Variants in JAM3 observed in about 807,000 individuals in gnomAD.
The protein encoded by JAM3 is junctional adhesion molecule C.
JAM3 carries 31 observed loss-of-function variants against 39.4 expected under a neutral mutation model. The observed-to-expected ratio is 0.79, with a 90% CI of 0.59 to 1.06. JAM3 has a LOEUF of 1.06. Ranked by LOEUF, JAM3 falls within the 50% of genes least tolerant of loss-of-function variation. JAM3 has a pLI of 0.00. For synonymous variants in JAM3, 182 were observed against 148.7 expected, an observed-to-expected ratio of 1.22 and a Z score of -1.63; for missense variants, 455 against 391.4, an observed-to-expected ratio of 1.16 and a Z score of -1.37.
At chr11:134,123,893 G>C (rs879058701) in intron 1 of JAM3, 1 of 972,056 alleles carries the variant, frequency 1.0e-6, no homozygotes, top group African/African-American at 1.6e-5. Context: ...ATTTCTCCAA[G>C]TAAAGCAGCT....
intron 1 of JAM3, among the ~76,000 whole-genome samples, chr11:134,132,299 T>C (rs540991140): frequency 2.7e-4 from 41 of 152,276 alleles, no homozygotes; most frequent in African/African-American, 9.9e-4. Context: ...AAGAAAACAA[T>C]TGTAAAACAC....
chr11:134,080,310 C>G lies in JAM3; in HGVS notation c.76+11151C>G, dbSNP rs531000387. 7.2e-5 allele frequency among the ~76,000 whole-genome samples: 11 copies of G among 152,288 alleles called. No homozygotes were observed. The South Asian group carries it at 2.3e-3, about 32-fold the overall frequency. ...CCTTGGGGTAACGTCAGTGAAATAG[C>G]TTAGGTTTTGACTACTTCATAGGAA... On this transcript the variant is annotated intron_variant, in intron 1 of 8. Coordinates refer to ENST00000299106, the MANE Select transcript of JAM3 (RefSeq NM_032801.5).
intron 1 of JAM3, among the ~76,000 whole-genome samples, chr11:134,092,191 C>A (rs74541025): frequency 0.047 from 7,178 of 152,180 alleles, 635 homozygotes; most frequent in African/African-American, 0.16. Context: ...GGCTCACTTT[C>A]ATTTTCCCAC....
chr11:134,078,828 CG>C (rs1941616790), intron 1 of JAM3, among the ~76,000 whole-genome samples: 1 of 152,076 alleles, frequency 6.6e-6, no homozygotes, highest in Admixed American at 6.5e-5. Context: ...CACCTGAGGT[CG>C]GGAGTTCGAG....
At chr11:134,122,513 G>C (rs114229417) in intron 1 of JAM3, among the ~76,000 whole-genome samples, 1 of 152,144 alleles carries the variant, frequency 6.6e-6, no homozygotes, top group Non-Finnish European at 1.5e-5. Context: ...CTGCTACACC[G>C]CTTCACCAGC....
chr11:134,149,276 G>C lies in JAM3; in HGVS notation c.*95G>C. The C allele has an allele frequency of 1.4e-6, 2 of 1,442,724 alleles. No homozygotes were observed. The highest frequency in any genetic ancestry group is 1.9e-6 in the Non-Finnish European group (2 of 1,032,032). 89.4% of individuals were successfully genotyped at this position (1,442,724 alleles called of 1,614,324 possible). ...CAGCGAGAGCTGATGCACTCGGACA[G>C]AGCTAGACACTCATTCAGAAGCTTT... On this transcript the variant is annotated 3_prime_UTR_variant, in exon 9 of 9. Transcript: ENST00000299106.
intron 8 of JAM3, 116 bp downstream of exon 8, chr11:134,148,934 G>C (rs901956164): frequency 3.9e-5 from 41 of 1,059,646 alleles, no homozygotes; most frequent in Non-Finnish European, 5.4e-5. Flanking sequence ...CAGCTCCTGA[G>C]CTCCTCAGCC....
chr11:134,100,635 G>A (rs1039671810), intron 1 of JAM3, among the ~76,000 whole-genome samples: 4 of 152,160 alleles, frequency 2.6e-5, no homozygotes, highest in African/African-American at 9.7e-5. Context: ...TTCTCTAATA[G>A]TGGCTGATAC....
chr11:134,132,156 G>C (rs557208450), intron 1 of JAM3, among the ~76,000 whole-genome samples: 3 of 152,274 alleles, frequency 2.0e-5, no homozygotes, highest in East Asian at 1.9e-4. Context: ...ACTTGACAAA[G>C]AGAAATTCTT....
At chr11:134,111,308 ATTTT>A (rs896685812) in intron 1 of JAM3, among the ~76,000 whole-genome samples, 2 of 151,040 alleles carry the variant, frequency 1.3e-5, no homozygotes, top group African/African-American at 2.4e-5. Flanking sequence ...CGCCCTGCTA[ATTTT>A]TTTTGTTTTT....
At chr11:134,101,979 A>G (rs1046316097) in intron 1 of JAM3, among the ~76,000 whole-genome samples, 1 of 152,274 alleles carries the variant, frequency 6.6e-6, no homozygotes, top group Non-Finnish European at 1.5e-5. Flanking sequence ...GCTTGAGCAC[A>G]GGAGTTTGAG....
Position 134,117,407 on chromosome 11 carries a change from G to A in JAM3, c.77-22444G>A, listed in dbSNP as rs117605476. On this transcript the variant is annotated intron_variant, in intron 1 of 8. Transcript: ENST00000299106. ...AAAAAGAAAAACAATCCAAATTGGCGGGGAAGAAGTAAAGCTGTCTTGATG... is the reference window on the plus strand; with the variant it reads ...AAAAAGAAAAACAATCCAAATTGGCAGGGAAGAAGTAAAGCTGTCTTGATG... Among the ~76,000 whole-genome samples, 1,474 of 152,082 alleles carry A rather than the reference G, an allele frequency of 9.7e-3. 17 individuals are homozygous for A. The highest frequency in any genetic ancestry group is 0.016 in the Non-Finnish European group (1,120 of 67,972).
intron 1 of JAM3, among the ~76,000 whole-genome samples, chr11:134,106,924 C>T (rs1181824458): frequency 6.6e-6 from 1 of 152,138 alleles, no homozygotes; most frequent in South Asian, 2.1e-4. Flanking sequence ...GACAGTGTGG[C>T]GATTCCTCAG....
chr11:134,116,198 A>T (rs927434231), intron 1 of JAM3, among the ~76,000 whole-genome samples: 1 of 152,190 alleles, frequency 6.6e-6, no homozygotes, highest in East Asian at 1.9e-4. Flanking sequence ...AATAATTAAT[A>T]AATATTTCGG....
chr11:134,100,456 G>GGT (rs1942053721), intron 1 of JAM3, among the ~76,000 whole-genome samples: 1 of 152,114 alleles, frequency 6.6e-6, no homozygotes, highest in South Asian at 2.1e-4. Flanking sequence ...AAATTGAATG[G>GGT]GTTATAGCAG....
At chr11:134,104,339 C>T (rs1206787308) in intron 1 of JAM3, among the ~76,000 whole-genome samples, 1 of 152,192 alleles carries the variant, frequency 6.6e-6, no homozygotes, top group Admixed American at 6.5e-5. Flanking sequence ...ACCAGAATCT[C>T]TGGGACACAT....
chr11:134,111,045 A>G (rs1942298951), intron 1 of JAM3, among the ~76,000 whole-genome samples: 1 of 151,320 alleles, frequency 6.6e-6, no homozygotes, highest in African/African-American at 2.4e-5. Context: ...TATATGGCTC[A>G]TATGAATCCT....
intron 1 of JAM3, among the ~76,000 whole-genome samples, chr11:134,089,265 G>T (rs1215541860): frequency 6.6e-6 from 1 of 152,036 alleles, no homozygotes; most frequent in Non-Finnish European, 1.5e-5. Flanking sequence ...TTGTTTGGTT[G>T]TTTAATTCCA....
chr11:134,149,831 T>A lies in JAM3; in HGVS notation c.*650T>A, dbSNP rs576895247. The A allele has an allele frequency of 5.8e-6, 2 of 344,562 alleles. No individual in the cohort carries two copies. Among genetic ancestry groups the A allele is most frequent in the South Asian group, 4.7e-5 (2 of 42,794 alleles). 21.3% of individuals were successfully genotyped at this position (344,562 alleles called of 1,614,324 possible). A position where few individuals can be genotyped will look rare whatever the true frequency, so the allele number is the denominator to read the frequency against. ...GAGGAACCCTGCTTGTCCAACAGGG[T>A]GTCAGGATTTAAGGAAAACCTTCGT... On this transcript the variant is annotated 3_prime_UTR_variant, in exon 9 of 9. Transcript: ENST00000299106.
Sources: allele counts gnomAD v4.1 joint callset (sites outside exome capture counted in the v4.1 genomes callset), GRCh38; gene constraint gnomAD v4.1.1; transcripts MANE v1.5; gene names NCBI Gene and HGNC (gene_info 2026-07-23, HGNC 2026-07-21).